Variants in FIP1L1 observed in about 807,000 individuals in gnomAD.
The protein encoded by FIP1L1 is factor interacting with PAPOLA and CPSF1.
Under a neutral mutation model 84.6 loss-of-function variants are expected in FIP1L1, and 21 were observed. The observed-to-expected ratio is 0.25, with a 90% CI of 0.18 to 0.36. FIP1L1 has a LOEUF of 0.36. Among genes scored for constraint, FIP1L1 ranks in the 10% least tolerant of loss-of-function variants. The pLI, the probability that FIP1L1 is intolerant of heterozygous loss-of-function variation, is 1.00. For synonymous variants in FIP1L1, 263 were observed against 242.3 expected, an observed-to-expected ratio of 1.09 and a Z score of -0.80; for missense variants, 526 against 751.1, an observed-to-expected ratio of 0.70 and a Z score of 3.50.
chr4:53,385,982 C>A (rs1740822895), intron 5 of FIP1L1, among the ~76,000 whole-genome samples: 1 of 150,854 alleles, frequency 6.6e-6, no homozygotes, highest in Non-Finnish European at 1.5e-5. Flanking sequence ...AAAGAACAAA[C>A]TGTGTCCAAG....
intron 10 of FIP1L1, among the ~76,000 whole-genome samples, chr4:53,404,380 A>AT (rs1752030681): frequency 6.6e-6 from 1 of 151,794 alleles, no homozygotes; most frequent in South Asian, 2.1e-4. Flanking sequence ...CATGGTGTAT[A>AT]TGTGCCACAT....
At position 53,379,131 on chromosome 4, in the gene FIP1L1, A is replaced by G. The variant is rs1736404138; in HGVS notation, c.130+14A>G. On this transcript the variant is annotated intron_variant, in intron 2 of 17. Coordinates refer to ENST00000337488, the MANE Select transcript of FIP1L1 (RefSeq NM_030917.4). Reference sequence around the variant, plus strand: ...CAAAGGACCTAGGTTAGTGCTTGTGATGATCACTTCAGATTTTCATAATAC... The same window carrying G: ...CAAAGGACCTAGGTTAGTGCTTGTGGTGATCACTTCAGATTTTCATAATAC... The G allele has an allele frequency of 6.8e-6, 11 of 1,613,918 alleles. No homozygotes were observed. The South Asian group carries it at 1.2e-4, about 18-fold the overall frequency.
At chr4:53,423,312 G>T (rs893283578) in intron 11 of FIP1L1, among the ~76,000 whole-genome samples, 1 of 152,082 alleles carries the variant, frequency 6.6e-6, no homozygotes, top group Non-Finnish European at 1.5e-5. Context: ...ATGGAGAAGA[G>T]GATTTTGATA....
Position 53,382,287 on chromosome 4 carries a change from T to A in FIP1L1, c.180T>A (p.Pro60=), listed in dbSNP as rs1306615118. The A allele has an allele frequency of 6.2e-6, 10 of 1,613,214 alleles. No homozygotes were observed. Among genetic ancestry groups the A allele is most frequent in the Non-Finnish European group, 8.5e-6 (10 of 1,179,214 alleles). ...RPEEENASAN[P]PSGIEDETAE... ...CTTTTGTTGTTTGTAGTGCTAATCC[T>A]CCATCTGGAATTGAAGATGAAACTG... Residue 60 remains proline (P), a synonymous_variant, in exon 4 of 18, where the codon CCT becomes CCA. Coordinates refer to ENST00000337488, the MANE Select transcript of FIP1L1 (RefSeq NM_030917.4).
intron 8 of FIP1L1, 101 bp from the exon 9 acceptor site, chr4:53,391,329 T>TA: frequency 1.7e-6 from 2 of 1,187,012 alleles, no homozygotes; most frequent in Non-Finnish European, 2.5e-6. Flanking sequence ...CTGATGTTCT[T>TA]ACTTTCAAAT....
At chr4:53,388,305 A>G (rs1470540922) in intron 5 of FIP1L1, among the ~76,000 whole-genome samples, 9 of 151,808 alleles carry the variant, frequency 5.9e-5, no homozygotes, top group Non-Finnish European at 1.3e-4. Flanking sequence ...TGAGAAATAT[A>G]TCATTATAAA....
chr4:53,439,456 AATCTC>A (rs1184674339), intron 13 of FIP1L1, among the ~76,000 whole-genome samples: 4 of 152,070 alleles, frequency 2.6e-5, no homozygotes, highest in Admixed American at 1.3e-4. Context: ...TTTTAATCTA[AATCTC>A]TTACTCTGAT....
intron 15 of FIP1L1, among the ~76,000 whole-genome samples, chr4:53,444,482 T>C (rs1303714693): frequency 1.3e-5 from 2 of 152,232 alleles, no homozygotes; most frequent in African/African-American, 4.8e-5. Flanking sequence ...TTCTGTATCA[T>C]GTGTAGGTCC....
rs1490932197 is a variant in FIP1L1, at chr4:53,460,426, T to TAATTA, written c.*978_*982dup. 3 of 189,770 alleles carry TAATTA rather than the reference T, an allele frequency of 1.6e-5. No homozygotes were observed. Among genetic ancestry groups the TAATTA allele is most frequent in the Non-Finnish European group, 3.3e-5 (3 of 90,754 alleles). The allele number at this position is 189,770 out of a possible 1,614,324, so 11.8% of individuals were successfully genotyped here. Reference sequence around the variant, plus strand: ...AATAGTGATAATACAAAAGTAATCTTAATTAGTATCACATACTAAAAGACA... The same window carrying TAATTA: ...AATAGTGATAATACAAAAGTAATCTTAATTAAATTAGTATCACATACTAAAAGACA... On this transcript the variant is annotated 3_prime_UTR_variant, in exon 18 of 18. Coordinates refer to ENST00000337488, the MANE Select transcript of FIP1L1 (RefSeq NM_030917.4).
chr4:53,385,369 C>T (rs190783229), intron 5 of FIP1L1, among the ~76,000 whole-genome samples: 1 of 152,184 alleles, frequency 6.6e-6, no homozygotes, highest in East Asian at 1.9e-4. Flanking sequence ...TATACGTGGA[C>T]TTCCATAGTA....
chr4:53,383,916 A>T, intron 5 of FIP1L1, 40 bp downstream of exon 5: 1 of 1,590,828 alleles, frequency 6.3e-7, no homozygotes, highest in Non-Finnish European at 8.6e-7. Context: ...TGTAAATGCT[A>T]TATAGTAAGG....
intron 9 of FIP1L1, among the ~76,000 whole-genome samples, chr4:53,392,035 T>C (rs1213352017): frequency 6.6e-6 from 1 of 152,234 alleles, no homozygotes; most frequent in Admixed American, 6.5e-5. Context: ...AAATTTGTTC[T>C]TAAAAGGAGT....
intron 11 of FIP1L1, among the ~76,000 whole-genome samples, chr4:53,418,942 G>A (rs1760997694): frequency 6.6e-6 from 1 of 152,160 alleles, no homozygotes; most frequent in South Asian, 2.1e-4. Context: ...ATACCTTGGG[G>A]CATTTGATCA....
Position 53,389,836 on chromosome 4 carries a change from T to C in FIP1L1, c.360T>C (p.Leu120=). The C allele has an allele frequency of 1.2e-6, 2 of 1,602,816 alleles. No individual in the cohort carries two copies. Among genetic ancestry groups the C allele is most frequent in the East Asian group, 4.5e-5 (2 of 44,596 alleles). ...YGSYGTAPVN[L]NIKTGGRVYG... ...GTTATGGTACAGCACCTGTAAATCTTAACATCAAGACAGGGGGAAGAGTTT... is the reference window on the plus strand; with the variant it reads ...GTTATGGTACAGCACCTGTAAATCTCAACATCAAGACAGGGGGAAGAGTTT... The change falls in exon 6 of 18, where the codon CTT becomes CTC. Residue 120 remains leucine (L), a synonymous_variant. Coordinates refer to ENST00000337488, the MANE Select transcript of FIP1L1 (RefSeq NM_030917.4).
intron 15 of FIP1L1, among the ~76,000 whole-genome samples, chr4:53,444,773 T>C (rs1203571583): frequency 1.3e-5 from 2 of 152,070 alleles, no homozygotes; most frequent in Admixed American, 6.5e-5. Flanking sequence ...GGTCTCATCA[T>C]GTTGCCTAGG....
Position 53,452,961 on chromosome 4 carries a change from A to G in FIP1L1, c.1327A>G (p.Ser443Gly), listed in dbSNP as rs1283049193. Residue 443 changes from serine (S) to glycine (G), a missense_variant, in exon 16 of 18, where the codon AGT (serine) becomes GGT (glycine). Ser to Gly is a moderately conservative substitution (Grantham distance 56, BLOSUM62 0). This residue lies in a region of FIP1L1 where 83 missense variants were observed against 93.8 expected (regional missense o/e 0.88). Transcript: ENST00000337488. ...HLPGSAPSWP[S>G]LVDTSKQWDY... ...TCCTGGTTCTGCTCCTTCGTGGCCTAGTCTTGTGGACACCAGCAAGCAGTG... is the reference window on the plus strand; with the variant it reads ...TCCTGGTTCTGCTCCTTCGTGGCCTGGTCTTGTGGACACCAGCAAGCAGTG... 1.2e-6 allele frequency: 2 copies of G among 1,613,288 alleles called. No individual in the cohort carries two copies. Among genetic ancestry groups the G allele is most frequent in the Non-Finnish European group, 1.7e-6 (2 of 1,180,000 alleles).
intron 16 of FIP1L1, 130 bp downstream of exon 16, chr4:53,453,263 T>A: frequency 1.0e-6 from 1 of 995,506 alleles, no homozygotes; most frequent in Non-Finnish European, 1.5e-6. Flanking sequence ...AAAGCCATCT[T>A]AAAATGATAA....
rs192741323 is a variant in FIP1L1 at position 53,420,069 on chromosome 4, G to T, written c.923+5347G>T. ...AAAAATTAGCCGGGCGCGGTGGCGA[G>T]CGCCTGTAGTCCCAGCTACTCAGGA... On this transcript the variant is annotated intron_variant, in intron 11 of 17. Coordinates refer to ENST00000337488, the MANE Select transcript of FIP1L1 (RefSeq NM_030917.4). Among the ~76,000 whole-genome samples the T allele has an allele frequency of 9.4e-3, 1,428 of 151,868 alleles. 21 individuals are homozygous for T. The highest frequency in any genetic ancestry group is 0.033 in the African/African-American group (1,363 of 41,438).
intron 13 of FIP1L1, 70 bp downstream of exon 13, chr4:53,428,253 A>C (rs1765103929): frequency 2.9e-6 from 4 of 1,398,628 alleles, no homozygotes; most frequent in Admixed American, 2.2e-5. Context: ...AATTTTTGAC[A>C]ATTAAAATAA....
Sources: gnomAD v4.1 joint callset for allele counts (sites outside exome capture counted in the v4.1 genomes callset) on GRCh38, gnomAD v4.1.1 for gene constraint, gnomAD v4.1.1 regional missense constraint, MANE v1.5 for transcripts, NCBI Gene and HGNC (gene_info 2026-07-23, HGNC 2026-07-21) for gene names.